ATP8A2: variants seen among roughly 807,000 people sequenced by gnomAD.
The protein encoded by ATP8A2 is phospholipid-transporting ATPase IB.
ATP8A2 carries 100 observed loss-of-function variants against 165.6 expected under a neutral mutation model. That is an observed-to-expected ratio of 0.60 (90% CI 0.51 to 0.71). The LOEUF (loss-of-function observed/expected upper bound fraction) is 0.71, where lower values mean the gene tolerates loss of function less well. ATP8A2 is among the 30% of genes least tolerant of loss of function. The pLI, the probability that ATP8A2 is intolerant of heterozygous loss-of-function variation, is 0.00. For missense variants in ATP8A2, 1,227 were observed against 1,479.5 expected (o/e 0.83, Z 2.80); for synonymous variants, 543 against 548.8 (o/e 0.99, Z 0.15).
At chr13:25,426,939 C>A (rs181457281) in intron 1 of ATP8A2, among the ~76,000 whole-genome samples, 34 of 152,192 alleles carry the variant, frequency 2.2e-4, no homozygotes, top group African/African-American at 7.5e-4. Flanking sequence ...GAACCAGACT[C>A]CCTCTAGGAA....
intron 33 of ATP8A2, among the ~76,000 whole-genome samples, chr13:25,868,828 G>A (rs545014049): frequency 6.6e-6 from 1 of 152,210 alleles, no homozygotes; most frequent in Admixed American, 6.5e-5. Context: ...AAAGCACTTT[G>A]GGAGGCCTGG....
intron 27 of ATP8A2, among the ~76,000 whole-genome samples, chr13:25,786,775 A>C (rs1222224147): frequency 2.5e-4 from 23 of 91,078 alleles, no homozygotes; most frequent in African/African-American, 9.7e-4. Flanking sequence ...TTTTTTTTTG[A>C]GACAGAGTTT....
chr13:25,409,181 C>G (rs1472348414), intron 1 of ATP8A2, among the ~76,000 whole-genome samples: 1 of 152,178 alleles, frequency 6.6e-6, no homozygotes, highest in Non-Finnish European at 1.5e-5. Context: ...CTGGTACATG[C>G]TGTCTACTGA....
chr13:25,891,746 T>G (rs1953368635), intron 33 of ATP8A2, among the ~76,000 whole-genome samples: 1 of 152,190 alleles, frequency 6.6e-6, no homozygotes, highest in Admixed American at 6.5e-5. Context: ...TTCCTGCCTC[T>G]GCATTTAAGT....
At chr13:25,736,142 G>C (rs1385147330) in intron 25 of ATP8A2, among the ~76,000 whole-genome samples, 4 of 152,180 alleles carry the variant, frequency 2.6e-5, no homozygotes, top group African/African-American at 7.2e-5. Flanking sequence ...TAGGTGTGTA[G>C]TAGGTTATAC....
At chr13:25,637,890 G>C (rs4580008) in intron 24 of ATP8A2, among the ~76,000 whole-genome samples, 145,353 of 152,268 alleles carry the variant, frequency 0.95, 69,484 homozygotes, top group Non-Finnish European at 0.98. Flanking sequence ...ACACGGCCGG[G>C]TACCCCTCTG....
intron 24 of ATP8A2, among the ~76,000 whole-genome samples, chr13:25,655,409 T>A (rs1300958324): frequency 1.3e-5 from 2 of 152,332 alleles, no homozygotes; most frequent in East Asian, 3.9e-4. Context: ...TCCACCCACC[T>A]CGGCCTCCCA....
chr13:25,436,042 T>C (rs1163659419), intron 1 of ATP8A2, among the ~76,000 whole-genome samples: 2 of 152,032 alleles, frequency 1.3e-5, no homozygotes, highest in Non-Finnish European at 2.9e-5. Flanking sequence ...AATCTTTTTA[T>C]TGGGTCATAG....
chr13:25,983,668 C>G (rs1489483841), intron 35 of ATP8A2, among the ~76,000 whole-genome samples: 2 of 152,032 alleles, frequency 1.3e-5, no homozygotes, highest in African/African-American at 4.8e-5. Flanking sequence ...TAGTTGTGAA[C>G]TTAAAGGTGT....
chr13:25,828,788 G>T (rs942036066), intron 28 of ATP8A2, among the ~76,000 whole-genome samples: 1 of 152,134 alleles, frequency 6.6e-6, no homozygotes, highest in Non-Finnish European at 1.5e-5. Context: ...TCAGAAGCTA[G>T]AAATAAATAT....
chr13:25,644,625 C>A (rs1040212981), intron 24 of ATP8A2, among the ~76,000 whole-genome samples: 5 of 151,290 alleles, frequency 3.3e-5, no homozygotes, highest in African/African-American at 1.2e-4. Context: ...CTAAAAAATT[C>A]ATGTCAGTTC....
At chr13:25,527,824 A>T (rs1348938128) in intron 2 of ATP8A2, among the ~76,000 whole-genome samples, 1 of 152,190 alleles carries the variant, frequency 6.6e-6, no homozygotes, top group Admixed American at 6.5e-5. Flanking sequence ...AAATGTTCAT[A>T]TATAGCTGGG....
chr13:25,847,351 T>G (rs1044844197), intron 30 of ATP8A2, among the ~76,000 whole-genome samples: 1 of 152,250 alleles, frequency 6.6e-6, no homozygotes, highest in Admixed American at 6.5e-5. Flanking sequence ...ACCGCAGTTA[T>G]GAACTGCGGT....
chr13:25,649,763 G>A (rs1312457474), intron 24 of ATP8A2, among the ~76,000 whole-genome samples: 1 of 152,128 alleles, frequency 6.6e-6, no homozygotes, highest in Non-Finnish European at 1.5e-5. Context: ...TAGAGTCCAA[G>A]GCTGGTCCTG....
rs372721056 is a variant in ATP8A2, at chr13:25,543,300, C to T, written c.789C>T (p.Ala263=). ...TGTTTTTTATTTTTAGCCTTGTTGC[C>T]CTTGGGCCTGACCAGATCTTATTAA... is the stretch of plus-strand genomic sequence containing the variant. ...NLNLDGKSLV[A]LGPDQILLRG... Residue 263 remains alanine, a synonymous_variant, in exon 10 of 37, where the codon GCC becomes GCT. Transcript: ENST00000381655. 9 of 1,600,276 alleles carry T rather than the reference C, an allele frequency of 5.6e-6. No individual in the cohort carries two copies. Among genetic ancestry groups the T allele is most frequent in the Non-Finnish European group, 6.0e-6 (7 of 1,170,104 alleles).
At chr13:25,437,257 GT>G (rs2138183052) in intron 1 of ATP8A2, among the ~76,000 whole-genome samples, 1 of 152,226 alleles carries the variant, frequency 6.6e-6, no homozygotes, top group African/African-American at 2.4e-5. Context: ...TTTTAATGAG[GT>G]TATTTGGAAT....
At chr13:25,715,087 T>C (rs2043228781) in intron 25 of ATP8A2, among the ~76,000 whole-genome samples, 1 of 152,344 alleles carries the variant, frequency 6.6e-6, no homozygotes, top group South Asian at 2.1e-4. Context: ...TTGGCTTCAT[T>C]GACAGCTAAT....
intron 33 of ATP8A2, among the ~76,000 whole-genome samples, chr13:25,872,108 A>T (rs1336555975): frequency 7.8e-6 from 1 of 127,710 alleles, no homozygotes; most frequent in Admixed American, 1.0e-4. Flanking sequence ...CCTCTTTGCC[A>T]CCTCTAGGGT....
chr13:25,452,074 C>T (rs1016582305), intron 1 of ATP8A2, among the ~76,000 whole-genome samples: 6 of 151,970 alleles, frequency 3.9e-5, no homozygotes, highest in East Asian at 1.9e-4. Flanking sequence ...AGGATGGTCT[C>T]GATCTCCTGA....
Sources: allele counts gnomAD v4.1 joint callset (sites outside exome capture counted in the v4.1 genomes callset), GRCh38; gene constraint gnomAD v4.1.1; transcripts MANE v1.5; gene names NCBI Gene and HGNC (gene_info 2026-07-23, HGNC 2026-07-21).